Variants in HS3ST5 observed in about 807,000 individuals in gnomAD.
The protein encoded by HS3ST5 is heparan sulfate glucosamine 3-O-sulfotransferase 5.
A neutral mutation model predicts 25.4 loss-of-function variants in HS3ST5; 10 were observed. That is an observed-to-expected ratio of 0.39 (90% CI 0.24 to 0.67). The LOEUF (loss-of-function observed/expected upper bound fraction) is 0.67. Among genes scored for constraint, HS3ST5 ranks in the 30% least tolerant of loss-of-function variants. The pLI is 0.44. For missense variants in HS3ST5, 324 were observed against 420.7 expected, an observed-to-expected ratio of 0.77 and a Z score of 2.01; for synonymous variants, 170 against 162.4, an observed-to-expected ratio of 1.05 and a Z score of -0.36.
intron 3 of HS3ST5, among the ~76,000 whole-genome samples, chr6:114,152,579 A>T (rs1778510406): frequency 1.3e-5 from 2 of 152,172 alleles, no homozygotes; most frequent in South Asian, 2.1e-4. Flanking sequence ...GCAACTCTAC[A>T]GATTTGCTTT....
chr6:114,197,349 C>T (rs1335232647), intron 2 of HS3ST5, among the ~76,000 whole-genome samples: 1 of 152,102 alleles, frequency 6.6e-6, no homozygotes, highest in South Asian at 2.1e-4. Flanking sequence ...GTTTTGATGA[C>T]TTCCCATATA....
intron 3 of HS3ST5, among the ~76,000 whole-genome samples, chr6:114,088,357 C>A (rs867438876): frequency 1.3e-5 from 2 of 149,956 alleles, no homozygotes; most frequent in Admixed American, 6.6e-5. Flanking sequence ...CTTTCTTATT[C>A]TTTTCTTCTG....
At chr6:114,241,066 T>C (rs932574524) in intron 1 of HS3ST5, among the ~76,000 whole-genome samples, 1 of 151,588 alleles carries the variant, frequency 6.6e-6, no homozygotes, top group African/African-American at 2.4e-5. Flanking sequence ...ACAAGGTGAT[T>C]CATACCTTTT....
chr6:114,106,995 C>T lies in HS3ST5; in HGVS notation c.-32-44118G>A, dbSNP rs59084475. Reference sequence around the variant, plus strand: ...CCATCTCAGAAACTGAACAAAAAGACTTGGGTTGGAAATGATACTGAGAAG... The same window carrying T: ...CCATCTCAGAAACTGAACAAAAAGATTTGGGTTGGAAATGATACTGAGAAG... On this transcript the variant is annotated intron_variant, in intron 3 of 4. Transcript: ENST00000312719. Among the ~76,000 whole-genome samples the T allele has an allele frequency of 3.2e-3, 488 of 152,064 alleles. 4 individuals carry two copies. The highest frequency in any genetic ancestry group is 0.011 in the African/African-American group (456 of 41,530).
intron 1 of HS3ST5, among the ~76,000 whole-genome samples, chr6:114,336,362 A>G (rs1776612293): frequency 6.6e-6 from 1 of 152,224 alleles, no homozygotes; most frequent in South Asian, 2.1e-4. Context: ...TAATCCCACC[A>G]CTTTGGGAGG....
At chr6:114,173,787 A>G (rs1208227075) in intron 2 of HS3ST5, among the ~76,000 whole-genome samples, 1 of 152,166 alleles carries the variant, frequency 6.6e-6, no homozygotes, top group Non-Finnish European at 1.5e-5. Context: ...TGAACCCGGG[A>G]GGCAGAGGTG....
At chr6:114,310,427 TA>T (rs1252750692) in intron 1 of HS3ST5, among the ~76,000 whole-genome samples, 3 of 152,160 alleles carry the variant, frequency 2.0e-5, no homozygotes, top group Admixed American at 6.5e-5. Context: ...AAATTCCTAT[TA>T]AAATGGCATC....
chr6:114,222,668 G>A (rs1020769541), intron 2 of HS3ST5, among the ~76,000 whole-genome samples: 1 of 151,824 alleles, frequency 6.6e-6, no homozygotes, highest in Non-Finnish European at 1.5e-5. Flanking sequence ...GCTCGTGAAG[G>A]AAGAGCAAGG....
intron 3 of HS3ST5, among the ~76,000 whole-genome samples, chr6:114,093,353 T>TTG (rs60927880): frequency 0.069 from 9,267 of 134,120 alleles, 286 homozygotes; most frequent in Middle Eastern, 0.19. Context: ...GTTTGTTTGT[T>TTG]TGTGTGTGTG....
intron 1 of HS3ST5, among the ~76,000 whole-genome samples, chr6:114,315,893 C>A (rs1483908518): frequency 6.6e-6 from 1 of 152,154 alleles, no homozygotes; most frequent in Non-Finnish European, 1.5e-5. Flanking sequence ...TCTCTCTCTT[C>A]TTGTCTGAGT....
intron 3 of HS3ST5, among the ~76,000 whole-genome samples, chr6:114,126,428 A>T (rs1777041649): frequency 6.6e-6 from 1 of 152,172 alleles, no homozygotes. Context: ...GTGGTATGAA[A>T]AGCACTATCT....
At chr6:114,250,050 T>C (rs1482975335) in intron 1 of HS3ST5, among the ~76,000 whole-genome samples, 1 of 152,184 alleles carries the variant, frequency 6.6e-6, no homozygotes, top group African/African-American at 2.4e-5. Context: ...TACACAAAGT[T>C]ATGATATGCA....
chr6:114,312,784 C>A (rs1301478587), intron 1 of HS3ST5, among the ~76,000 whole-genome samples: 1 of 151,900 alleles, frequency 6.6e-6, no homozygotes, highest in African/African-American at 2.4e-5. Flanking sequence ...AATCCCAGCA[C>A]TTTGGGAGGC....
At chr6:114,314,353 CAT>C (rs749565010) in intron 1 of HS3ST5, among the ~76,000 whole-genome samples, 1 of 152,202 alleles carries the variant, frequency 6.6e-6, no homozygotes, top group Non-Finnish European at 1.5e-5. Flanking sequence ...CTACTTTAGA[CAT>C]AGACACAAAT....
At chr6:114,315,492 A>G (rs564446679) in intron 1 of HS3ST5, among the ~76,000 whole-genome samples, 1 of 152,292 alleles carries the variant, frequency 6.6e-6, no homozygotes, top group East Asian at 1.9e-4. Context: ...TGATCAACAG[A>G]TTTAGTAAGC....
At chr6:114,339,250 G>A (rs1233321546) in intron 1 of HS3ST5, among the ~76,000 whole-genome samples, 1 of 152,026 alleles carries the variant, frequency 6.6e-6, no homozygotes, top group Non-Finnish European at 1.5e-5. Flanking sequence ...ATCATTTTTA[G>A]TAAGCATTCT....
chr6:114,336,560 T>C (rs535179549), intron 1 of HS3ST5, among the ~76,000 whole-genome samples: 42 of 152,272 alleles, frequency 2.8e-4, no homozygotes, highest in African/African-American at 9.4e-4. Context: ...TGAGCCAAGA[T>C]TGTGCCGCTG....
At chr6:114,075,226 C>T (rs767791648) in intron 3 of HS3ST5, among the ~76,000 whole-genome samples, 2 of 152,164 alleles carry the variant, frequency 1.3e-5, no homozygotes, top group Admixed American at 6.5e-5. Flanking sequence ...AGAGTTCAGG[C>T]GCATTCAGGG....
chr6:114,315,461 G>A (rs987668224), intron 1 of HS3ST5, among the ~76,000 whole-genome samples: 1 of 152,074 alleles, frequency 6.6e-6, no homozygotes, highest in Non-Finnish European at 1.5e-5. Flanking sequence ...AGAAAAAATT[G>A]CAAACAATCA....
Sources: gnomAD v4.1 joint callset for allele counts (sites outside exome capture counted in the v4.1 genomes callset) on GRCh38, gnomAD v4.1.1 for gene constraint, MANE v1.5 for transcripts, NCBI Gene and HGNC (gene_info 2026-07-23, HGNC 2026-07-21) for gene names.